The following RBM20 variants were observed in gnomAD, a reference collection of about 807,000 sequenced individuals.
RBM20 encodes the protein RNA binding motif protein 20, also known as RNA-binding protein 20.
A neutral mutation model predicts 110.1 loss-of-function variants in RBM20; 51 were observed. That is an observed-to-expected ratio of 0.46 (90% CI 0.37 to 0.59). The LOEUF is 0.59. RBM20 is among the 20% of genes least tolerant of loss of function. The probability of loss-of-function intolerance (pLI) is 0.00; values close to 1 mark genes in which losing one functional copy is unlikely to be tolerated. For synonymous variants in RBM20, 589 were observed against 618.2 expected (o/e 0.95, Z 0.70); for missense variants, 1,512 against 1,574.9 (o/e 0.96, Z 0.68).
chr10:110,728,585 C>T (rs1843588534), intron 1 of RBM20, among the ~76,000 whole-genome samples: 1 of 152,062 alleles, frequency 6.6e-6, no homozygotes, highest in South Asian at 2.1e-4. Context: ...TGTCTGTGGT[C>T]TTGGGAGGGT....
intron 7 of RBM20, among the ~76,000 whole-genome samples, chr10:110,806,267 C>CA (rs34718509): frequency 0.48 from 61,281 of 127,670 alleles, 13,282 homozygotes; most frequent in East Asian, 0.64. Context: ...GACTCCGTCT[C>CA]AAAAAAAAAA....
chr10:110,781,774 C>T lies in RBM20; in HGVS notation c.1165C>T (p.Leu389=), dbSNP rs529832486. ...GRRAKEDQAL[L]SVRPLQAHEL... ...GAGGGCCAAGGAGGACCAGGCGTTG[C>T]TATCTGTGCGGCCCCTGCAGGCTCA... Residue 389 remains leucine (L), a synonymous_variant, in exon 2 of 14, where the codon CTA becomes TTA. Transcript: ENST00000369519. The T allele has an allele frequency of 6.4e-7, 1 of 1,551,850 alleles. No individual in the cohort carries two copies. Among genetic ancestry groups the T allele is most frequent in the African/African-American group, 1.4e-5 (1 of 73,198 alleles).
intron 1 of RBM20, among the ~76,000 whole-genome samples, chr10:110,761,512 G>A (rs756559103): frequency 4.6e-5 from 7 of 152,218 alleles, no homozygotes; most frequent in Non-Finnish European, 8.8e-5. Context: ...GGCGACTTAA[G>A]CCACAAGGAC....
chr10:110,672,292 C>T, intron 1 of RBM20, among the ~76,000 whole-genome samples: 1 of 152,222 alleles, frequency 6.6e-6, no homozygotes, highest in Non-Finnish European at 1.5e-5. Flanking sequence ...CAGTTTATGG[C>T]TCCCTCGGCT....
At chr10:110,696,515 T>A (rs1214425204) in intron 1 of RBM20, among the ~76,000 whole-genome samples, 5 of 152,200 alleles carry the variant, frequency 3.3e-5, no homozygotes, top group Admixed American at 3.3e-4. Context: ...ACAGTCCTCA[T>A]CCCCAGGACC....
At chr10:110,656,846 C>T (rs1012398248) in intron 1 of RBM20, among the ~76,000 whole-genome samples, 15 of 152,140 alleles carry the variant, frequency 9.9e-5, no homozygotes, top group African/African-American at 3.1e-4. Context: ...GTATAGGTAC[C>T]GAAAACGTTT....
intron 8 of RBM20, among the ~76,000 whole-genome samples, 185 bp from the exon 9 acceptor site, chr10:110,812,093 G>A (rs1005132883): frequency 6.6e-6 from 1 of 152,218 alleles, no homozygotes; most frequent in East Asian, 1.9e-4. Context: ...TCCTCTGCAC[G>A]GAAGCCAGAA....
chr10:110,662,143 C>T (rs994981770), intron 1 of RBM20, among the ~76,000 whole-genome samples: 7 of 152,042 alleles, frequency 4.6e-5, no homozygotes, highest in African/African-American at 1.7e-4. Flanking sequence ...TTGAATGGTA[C>T]CATTAAATTC....
At chr10:110,644,291 G>C (rs1861831630), upstream of RBM20, 1 of 483,128 alleles carries the variant, frequency 2.1e-6, no homozygotes, top group African/African-American at 2.0e-5. This position sits in a 1 kb window ranked among gnomAD's most constrained non-coding sequence, Gnocchi z 4.3. Context: ...GGAGGAGGCG[G>C]CGCCGCCAGG....
intron 1 of RBM20, among the ~76,000 whole-genome samples, chr10:110,754,391 T>C (rs1843896589): frequency 1.3e-5 from 2 of 152,230 alleles, no homozygotes; most frequent in African/African-American, 4.8e-5. Flanking sequence ...TCAATAGTCC[T>C]GGAAAATTCT....
intron 13 of RBM20, among the ~76,000 whole-genome samples, chr10:110,834,152 A>G (rs189032084): frequency 9.2e-5 from 14 of 152,286 alleles, no homozygotes; most frequent in African/African-American, 3.4e-4. Flanking sequence ...TAGGAAAACT[A>G]GATACCTGCT....
intron 1 of RBM20, among the ~76,000 whole-genome samples, chr10:110,753,541 C>T (rs1843886053): frequency 6.6e-6 from 1 of 152,122 alleles, no homozygotes; most frequent in Admixed American, 6.5e-5. Context: ...TTAGAATTTC[C>T]CTTGCTGGTG....
At chr10:110,767,480 T>C in intron 1 of RBM20, among the ~76,000 whole-genome samples, 1 of 145,742 alleles carries the variant, frequency 6.9e-6, no homozygotes, top group African/African-American at 2.6e-5. Context: ...GAGGGGCTCC[T>C]CACTTCTCAG....
intron 1 of RBM20, among the ~76,000 whole-genome samples, chr10:110,654,964 GTGT>G (rs1441356343): frequency 1.3e-5 from 2 of 152,182 alleles, no homozygotes; most frequent in Non-Finnish European, 2.9e-5. Context: ...TGTGAGGTAA[GTGT>G]TGTTATTCTC....
chr10:110,795,603 A>G (rs1485832543), intron 5 of RBM20, among the ~76,000 whole-genome samples: 1 of 152,234 alleles, frequency 6.6e-6, no homozygotes, highest in African/African-American at 2.4e-5. Context: ...TTCCCCCTGT[A>G]TTACCTTAGC....
Position 110,677,325 on chromosome 10 carries a change from C to CT in RBM20, c.191+32691dup, listed in dbSNP as rs34113399. Among the ~76,000 whole-genome samples the CT allele has an allele frequency of 9.5e-4, 142 of 150,004 alleles. 2 individuals are homozygous for CT. In the Middle Eastern group the frequency reaches 0.01, roughly 11 times the overall value. ...AAGGCCCTATCTTTTTTTCTTTTTT[C>CT]TTTTTTTTTTTGAGACACAGTCTAG... is the stretch of plus-strand genomic sequence containing the variant. On this transcript the variant is annotated intron_variant, in intron 1 of 13. Coordinates refer to ENST00000369519, the MANE Select transcript of RBM20 (RefSeq NM_001134363.3).
chr10:110,721,704 T>C (rs1564825528), intron 1 of RBM20, among the ~76,000 whole-genome samples: 3 of 152,186 alleles, frequency 2.0e-5, no homozygotes, highest in Admixed American at 2.0e-4. Context: ...CTATTTCTCA[T>C]GGAACATCTT....
chr10:110,730,487 C>T (rs1590641353), intron 1 of RBM20, among the ~76,000 whole-genome samples: 1 of 152,200 alleles, frequency 6.6e-6, no homozygotes, highest in Non-Finnish European at 1.5e-5. Context: ...ACTCCTCTAG[C>T]CTAGAAGAAG....
intron 1 of RBM20, among the ~76,000 whole-genome samples, chr10:110,759,366 C>T (rs900475611): frequency 2.6e-5 from 4 of 152,076 alleles, no homozygotes; most frequent in African/African-American, 9.7e-5. Flanking sequence ...AGTAGTCAGC[C>T]CTGGTTTTAA....
Sources: allele counts gnomAD v4.1 joint callset (sites outside exome capture counted in the v4.1 genomes callset), GRCh38; gene constraint gnomAD v4.1.1; non-coding constraint Gnocchi (gnomAD v3.1); transcripts MANE v1.5; gene names NCBI Gene and HGNC (gene_info 2026-07-23, HGNC 2026-07-21).